ARHGAP28: variants seen among roughly 807,000 people sequenced by gnomAD.
ARHGAP28 encodes the protein rho GTPase-activating protein 28.
In ARHGAP28, 56 loss-of-function variants were observed where a neutral mutation model predicts 90.7. That is an observed-to-expected ratio of 0.62 (90% confidence interval 0.50 to 0.77). ARHGAP28 has a LOEUF of 0.77. Among genes scored for constraint, ARHGAP28 ranks in the 30% least tolerant of loss-of-function variants. The pLI, the probability that ARHGAP28 is intolerant of heterozygous loss-of-function variation, is 0.00. For missense variants in ARHGAP28, 869 were observed against 900.9 expected, an observed-to-expected ratio of 0.96 and a Z score of 0.45; for synonymous variants, 308 against 323.3, an observed-to-expected ratio of 0.95 and a Z score of 0.51.
intron 5 of ARHGAP28, among the ~76,000 whole-genome samples, chr18:6,867,005 C>T (rs970982465): frequency 2.6e-5 from 4 of 152,094 alleles, no homozygotes; most frequent in East Asian, 1.9e-4. Context: ...ATCTTTATTC[C>T]GTATTGTTAC....
At chr18:6,782,699 C>T (rs895727460) in intron 1 of ARHGAP28, among the ~76,000 whole-genome samples, 1 of 147,804 alleles carries the variant, frequency 6.8e-6, no homozygotes, top group East Asian at 2.0e-4. Context: ...ATCCACCCAC[C>T]TCGGCCTCCC....
chr18:6,855,336 T>G (rs2056944393), intron 4 of ARHGAP28, among the ~76,000 whole-genome samples: 1 of 152,144 alleles, frequency 6.6e-6, no homozygotes, highest in Non-Finnish European at 1.5e-5. Flanking sequence ...CAGCATGCAC[T>G]TCCTCCCTTC....
At chr18:6,869,833 A>G (rs910546814) in intron 6 of ARHGAP28, among the ~76,000 whole-genome samples, 3 of 152,220 alleles carry the variant, frequency 2.0e-5, no homozygotes, top group Non-Finnish European at 1.5e-5. Context: ...TTTGCCAGGC[A>G]ATGAAACCAG....
At chr18:6,798,401 C>A (rs1393331400) in intron 1 of ARHGAP28, among the ~76,000 whole-genome samples, 1 of 151,976 alleles carries the variant, frequency 6.6e-6, no homozygotes, top group Admixed American at 6.6e-5. Flanking sequence ...CCCATGTTGG[C>A]CAGGCTGGTC....
At chr18:6,793,091 C>A (rs1251796117) in intron 1 of ARHGAP28, among the ~76,000 whole-genome samples, 1 of 152,098 alleles carries the variant, frequency 6.6e-6, no homozygotes, top group East Asian at 1.9e-4. Flanking sequence ...CATTTCTGCC[C>A]AAAAGACTAT....
intron 1 of ARHGAP28, among the ~76,000 whole-genome samples, chr18:6,800,014 C>G (rs567752806): frequency 2.0e-5 from 3 of 152,106 alleles, no homozygotes; most frequent in Middle Eastern, 3.4e-3. Context: ...AGGAAACTTA[C>G]AAGAAAAAGA....
intron 1 of ARHGAP28, among the ~76,000 whole-genome samples, chr18:6,733,586 C>A (rs2055901614): frequency 6.6e-6 from 1 of 152,128 alleles, no homozygotes; most frequent in Admixed American, 6.5e-5. Flanking sequence ...TTCAAGGACT[C>A]CACAAAGTCT....
chr18:6,889,806 G>C (rs1342419984), intron 12 of ARHGAP28, 82 bp from the exon 13 acceptor site: 26 of 1,288,824 alleles, frequency 2.0e-5, no homozygotes, highest in Admixed American at 3.4e-5. Context: ...GCAGCAGAGT[G>C]AATGGGAATA....
intron 1 of ARHGAP28, among the ~76,000 whole-genome samples, chr18:6,745,152 T>C (rs2056011888): frequency 1.3e-5 from 2 of 152,168 alleles, no homozygotes; most frequent in South Asian, 2.1e-4. Context: ...CACACATACA[T>C]TTTAAGAGGA....
Position 6,729,915 on chromosome 18 carries a change from C to T in ARHGAP28, c.94C>T (p.Arg32Cys), listed in dbSNP as rs534903406. Residue 32 changes from arginine to cysteine, a missense_variant, in exon 1 of 18, where the codon CGC (arginine) becomes TGC (cysteine). Physicochemically the swap from Arg to Cys is radical, Grantham distance 180. Coordinates refer to ENST00000383472, the MANE Select transcript of ARHGAP28 (RefSeq NM_001366230.1). Reference protein sequence around the residue: ...PPNAESRCAPRAAASHPLSRK... With the variant: ...PPNAESRCAPCAAASHPLSRK... ...CAACGCCGAGTCGCGCTGCGCGCCC[C>T]GCGCCGCAGCCAGCCACCCGCTCAG... The T allele has an allele frequency of 5.0e-6, 7 of 1,406,330 alleles. No individual in the cohort carries two copies. In the Admixed American group the frequency reaches 1.1e-4, roughly 23 times the overall value. 87.1% of individuals were successfully genotyped at this position (1,406,330 alleles called of 1,614,324 possible). A position where few individuals can be genotyped will look rare whatever the true frequency, so the allele number is the denominator to read the frequency against.
intron 16 of ARHGAP28, among the ~76,000 whole-genome samples, chr18:6,904,059 T>TA (rs908311597): frequency 4.6e-5 from 7 of 151,444 alleles, no homozygotes; most frequent in East Asian, 1.9e-4. Flanking sequence ...TTAAGCAAAA[T>TA]AAAAAAAATA....
chr18:6,825,976 A>G (rs550517630), intron 2 of ARHGAP28, among the ~76,000 whole-genome samples: 1 of 152,278 alleles, frequency 6.6e-6, no homozygotes, highest in South Asian at 2.1e-4. Context: ...ATACCCAGTA[A>G]TGGGATTGCT....
At chr18:6,848,014 GT>G (rs1306784344) in intron 3 of ARHGAP28, among the ~76,000 whole-genome samples, 1 of 152,076 alleles carries the variant, frequency 6.6e-6, no homozygotes, top group Non-Finnish European at 1.5e-5. Flanking sequence ...GGAGCCCCAG[GT>G]TTTTATTGGG....
chr18:6,888,818 C>T (rs1176699254), intron 12 of ARHGAP28, among the ~76,000 whole-genome samples: 2 of 152,116 alleles, frequency 1.3e-5, no homozygotes, highest in African/African-American at 4.8e-5. Flanking sequence ...CTCTCTCTCT[C>T]TGTCTCTCTA....
chr18:6,877,486 A>G (rs1255216405), intron 10 of ARHGAP28, among the ~76,000 whole-genome samples: 1 of 152,218 alleles, frequency 6.6e-6, no homozygotes, highest in Non-Finnish European at 1.5e-5. Context: ...GCTGAGCCAC[A>G]TCCAGAAGGG....
chr18:6,761,543 C>T (rs1165467155), intron 1 of ARHGAP28, among the ~76,000 whole-genome samples: 7 of 152,120 alleles, frequency 4.6e-5, no homozygotes, highest in Admixed American at 4.6e-4. Flanking sequence ...AATCTGGGCT[C>T]CTAGGCCCTA....
At chr18:6,890,366 C>A in intron 13 of ARHGAP28, 64 bp from the exon 14 acceptor site, 2 of 1,074,814 alleles carry the variant, frequency 1.9e-6, no homozygotes, top group Non-Finnish European at 2.8e-6. Context: ...TGCCTGAAGA[C>A]AATCTGCTAG....
At chr18:6,784,677 T>C (rs566436985) in intron 1 of ARHGAP28, among the ~76,000 whole-genome samples, 1 of 152,300 alleles carries the variant, frequency 6.6e-6, no homozygotes, top group East Asian at 1.9e-4. Context: ...TTCAGCGCAG[T>C]AGGAGGTACA....
chr18:6,840,900 A>G (rs1304362322), intron 3 of ARHGAP28, among the ~76,000 whole-genome samples: 1 of 152,218 alleles, frequency 6.6e-6, no homozygotes, highest in Non-Finnish European at 1.5e-5. Flanking sequence ...GTAAAAAGCT[A>G]TATAAACCTC....
Sources: gnomAD v4.1 joint callset for allele counts (sites outside exome capture counted in the v4.1 genomes callset) on GRCh38, gnomAD v4.1.1 for gene constraint, MANE v1.5 for transcripts, NCBI Gene and HGNC (gene_info 2026-07-23, HGNC 2026-07-21) for gene names.